The following SKAP1 variants were observed in gnomAD, a reference collection of about 807,000 sequenced individuals.
The protein encoded by SKAP1 is src kinase associated phosphoprotein 1.
A neutral mutation model predicts 58.5 loss-of-function variants in SKAP1; 44 were observed. The ratio of observed to expected loss-of-function variants is 0.75; its 90% CI spans 0.59 to 0.97. The LOEUF is 0.97. SKAP1 is among the 50% of genes least tolerant of loss of function. SKAP1 has a pLI of 0.00. For missense variants in SKAP1, 390 were observed against 435.2 expected (o/e 0.90, Z 0.92); for synonymous variants, 127 against 149.7 (o/e 0.85, Z 1.11).
intron 4 of SKAP1, among the ~76,000 whole-genome samples, chr17:48,330,716 C>A (rs780356590): frequency 1.3e-5 from 2 of 152,118 alleles, no homozygotes; most frequent in Non-Finnish European, 2.9e-5. Flanking sequence ...TGAGTTGTCT[C>A]GTTCTTTCAA....
chr17:48,406,611 G>GCT (rs2067588810), intron 1 of SKAP1, among the ~76,000 whole-genome samples: 1 of 151,836 alleles, frequency 6.6e-6, no homozygotes, highest in African/African-American at 2.4e-5. Flanking sequence ...TGTCACCCAG[G>GCT]CTGGAGTGCA....
chr17:48,352,828 C>G lies in SKAP1; in HGVS notation c.179-6822G>C, dbSNP rs535788719. ...TAAGTGGCAGGGCCAGGCTTTCACC[C>G]CAACTTGTCTGATTACTAAGCTCTT... On this transcript the variant is annotated intron_variant, in intron 3 of 12. Transcript: ENST00000336915. Among the ~76,000 whole-genome samples the G allele has an allele frequency of 4.6e-5, 7 of 152,232 alleles. No homozygotes were observed. The South Asian group carries it at 1.5e-3, about 32-fold the overall frequency.
At chr17:48,395,453 C>T (rs564514713) in intron 2 of SKAP1, among the ~76,000 whole-genome samples, 8 of 151,862 alleles carry the variant, frequency 5.3e-5, no homozygotes, top group Non-Finnish European at 7.4e-5. Flanking sequence ...ACCTTTATTC[C>T]GCAAGCCACC....
At chr17:48,267,515 CTA>C (rs2065567787) in intron 4 of SKAP1, among the ~76,000 whole-genome samples, 1 of 152,128 alleles carries the variant, frequency 6.6e-6, no homozygotes, top group Admixed American at 6.5e-5. Flanking sequence ...AATAGATACT[CTA>C]TACACAAGTC....
intron 2 of SKAP1, among the ~76,000 whole-genome samples, chr17:48,383,393 C>A (rs2067240748): frequency 6.6e-6 from 1 of 152,038 alleles, no homozygotes; most frequent in African/African-American, 2.4e-5. Context: ...GGAAGTTGTT[C>A]CCAGTCAGTG....
At chr17:48,348,553 C>T (rs2066753962) in intron 3 of SKAP1, among the ~76,000 whole-genome samples, 1 of 152,022 alleles carries the variant, frequency 6.6e-6, no homozygotes, top group Non-Finnish European at 1.5e-5. Flanking sequence ...CAACTTCTTA[C>T]ATAATTGAGG....
chr17:48,242,403 T>A (rs188390755), intron 4 of SKAP1, among the ~76,000 whole-genome samples: 1 of 152,210 alleles, frequency 6.6e-6, no homozygotes, highest in Non-Finnish European at 1.5e-5. Context: ...ACAGCCTCCA[T>A]TCTCCTTCTT....
chr17:48,302,140 C>T (rs191532601), intron 4 of SKAP1, among the ~76,000 whole-genome samples: 55 of 152,212 alleles, frequency 3.6e-4, no homozygotes, highest in African/African-American at 1.3e-3. Context: ...AAGTGAGTCT[C>T]CCACTGACCC....
intron 2 of SKAP1, among the ~76,000 whole-genome samples, chr17:48,386,540 C>G (rs148320376): frequency 6.6e-6 from 1 of 152,270 alleles, no homozygotes; most frequent in African/African-American, 2.4e-5. Flanking sequence ...GTCTGCATTG[C>G]TAACAAGTTT....
intron 2 of SKAP1, among the ~76,000 whole-genome samples, chr17:48,385,792 T>A (rs1212974343): frequency 6.6e-6 from 1 of 152,046 alleles, no homozygotes; most frequent in East Asian, 1.9e-4. Flanking sequence ...GAGGATATTG[T>A]GGGGTTTGGT....
At chr17:48,330,527 C>T (rs1269695503) in intron 4 of SKAP1, among the ~76,000 whole-genome samples, 1 of 152,154 alleles carries the variant, frequency 6.6e-6, no homozygotes, top group Non-Finnish European at 1.5e-5. Flanking sequence ...AACAAACCAC[C>T]AGAGGTTAAA....
intron 4 of SKAP1, among the ~76,000 whole-genome samples, chr17:48,189,904 C>T (rs1317285048): frequency 2.0e-5 from 3 of 151,944 alleles, no homozygotes; most frequent in Non-Finnish European, 4.4e-5. Flanking sequence ...TCTCGAACTC[C>T]TGACCTCAAG....
intron 4 of SKAP1, chr17:48,203,716 A>G (rs2064758603): frequency 6.6e-6 from 1 of 152,186 alleles, no homozygotes; most frequent in South Asian, 2.1e-4. Context: ...GAGGCTGCAC[A>G]TATTGGATGG....
intron 1 of SKAP1, among the ~76,000 whole-genome samples, chr17:48,405,463 T>TTTTCTTTCCTTCC (rs2067568214): frequency 2.4e-5 from 3 of 125,672 alleles, no homozygotes; most frequent in Non-Finnish European, 3.4e-5. Context: ...TCTTTCTTTC[T>TTTTCTTTCCTTCC]TTCCTTCCTT....
intron 4 of SKAP1, among the ~76,000 whole-genome samples, chr17:48,284,974 A>G (rs1479995710): frequency 2.0e-5 from 3 of 152,200 alleles, no homozygotes; most frequent in Non-Finnish European, 4.4e-5. Flanking sequence ...ATTGAAAGAC[A>G]TTGAGGTATG....
intron 4 of SKAP1, among the ~76,000 whole-genome samples, chr17:48,227,978 GTCTC>G (rs2065087356): frequency 6.6e-6 from 1 of 152,184 alleles, no homozygotes; most frequent in African/African-American, 2.4e-5. Context: ...GAGCTACAAA[GTCTC>G]TCATTCATTT....
At chr17:48,280,767 G>A (rs942438871) in intron 4 of SKAP1, among the ~76,000 whole-genome samples, 1 of 152,062 alleles carries the variant, frequency 6.6e-6, no homozygotes, top group Non-Finnish European at 1.5e-5. Flanking sequence ...AAATCATATA[G>A]TATCTAATAT....
chr17:48,185,187 C>A (rs1365173881), intron 6 of SKAP1: 1 of 213,660 alleles, frequency 4.7e-6, no homozygotes. Context: ...CTCTTGAAGG[C>A]TATTATAAAG....
At chr17:48,151,796 T>A (rs1419920946) in intron 11 of SKAP1, among the ~76,000 whole-genome samples, 1 of 152,230 alleles carries the variant, frequency 6.6e-6, no homozygotes. Context: ...CTGCAGACTC[T>A]CTTTGCTAAA....
Sources: gnomAD v4.1 joint callset for allele counts (sites outside exome capture counted in the v4.1 genomes callset) on GRCh38, gnomAD v4.1.1 for gene constraint, MANE v1.5 for transcripts, NCBI Gene and HGNC (gene_info 2026-07-23, HGNC 2026-07-21) for gene names.